The following NAALADL2 variants were observed in gnomAD, a reference collection of about 807,000 sequenced individuals.
NAALADL2 encodes the protein N-acetylated alpha-linked acidic dipeptidase like 2.
NAALADL2 carries 76 observed loss-of-function variants against 87.2 expected under a neutral mutation model. That is an observed-to-expected ratio of 0.87 (90% CI 0.72 to 1.05). The LOEUF is 1.05. Ranked by LOEUF, NAALADL2 falls within the 50% of genes least tolerant of loss-of-function variation. The pLI, the probability that NAALADL2 is intolerant of heterozygous loss-of-function variation, is 0.00. For synonymous variants in NAALADL2, 354 were observed against 331.0 expected, an observed-to-expected ratio of 1.07 and a Z score of -0.75; for missense variants, 1,089 against 945.8, an observed-to-expected ratio of 1.15 and a Z score of -1.99.
At chr3:175,802,163 A>G (rs1754244234) in intron 13 of NAALADL2, among the ~76,000 whole-genome samples, 1 of 152,058 alleles carries the variant, frequency 6.6e-6, no homozygotes, top group South Asian at 2.1e-4. Context: ...CTAAAGTGAT[A>G]AGAGCACTTT....
intron 2 of NAALADL2, among the ~76,000 whole-genome samples, chr3:174,702,002 G>A (rs1222699202): frequency 1.3e-5 from 2 of 152,134 alleles, no homozygotes; most frequent in Non-Finnish European, 2.9e-5. Flanking sequence ...CTGCCAAATT[G>A]TTTTCCAAGG....
intron 1 of NAALADL2, among the ~76,000 whole-genome samples, chr3:175,041,029 T>C (rs975297288): frequency 3.3e-5 from 5 of 152,140 alleles, no homozygotes; most frequent in African/African-American, 1.2e-4. Flanking sequence ...AGTTGCTTTT[T>C]ATTCGTGCCA....
intron 1 of NAALADL2, among the ~76,000 whole-genome samples, chr3:174,972,562 T>G (rs191236512): frequency 2.0e-5 from 3 of 152,324 alleles, no homozygotes; most frequent in East Asian, 1.9e-4. Flanking sequence ...CCTTATGATC[T>G]TATTTATCCT....
chr3:175,508,539 A>G (rs1730670370), intron 9 of NAALADL2, among the ~76,000 whole-genome samples: 3 of 152,138 alleles, frequency 2.0e-5, no homozygotes, highest in Admixed American at 2.0e-4. Flanking sequence ...TATCACCAAC[A>G]TTCTACCATT....
chr3:175,512,063 G>A lies in NAALADL2; in HGVS notation c.1653+40305G>A, dbSNP rs939549982. ...TAGAGACCAGCCTGAGCAACATAGTGTGACCCCCATCTCTATGAAAAAAAT... is the reference window on the plus strand; with the variant it reads ...TAGAGACCAGCCTGAGCAACATAGTATGACCCCCATCTCTATGAAAAAAAT... On this transcript the variant is annotated intron_variant, in intron 9 of 13. Transcript: ENST00000454872. Among the ~76,000 whole-genome samples the A allele has an allele frequency of 5.9e-5, 9 of 152,192 alleles. No individual in the cohort carries two copies. The East Asian group carries it at 1.7e-3, about 29-fold the overall frequency.
At chr3:174,524,231 T>C (rs960295751) in intron 1 of NAALADL2, among the ~76,000 whole-genome samples, 2 of 152,234 alleles carry the variant, frequency 1.3e-5, no homozygotes, top group African/African-American at 4.8e-5. Flanking sequence ...CATCCAGTAA[T>C]ACAATTCTTT....
chr3:175,256,277 C>A, intron 3 of NAALADL2, 134 bp from the exon 4 acceptor site: 1 of 730,400 alleles, frequency 1.4e-6, no homozygotes, highest in Non-Finnish European at 2.0e-6. Context: ...GTAATTGGGA[C>A]AGGGTAAGAG....
At chr3:175,521,464 T>C (rs565480858) in intron 9 of NAALADL2, among the ~76,000 whole-genome samples, 5 of 152,138 alleles carry the variant, frequency 3.3e-5, no homozygotes, top group Non-Finnish European at 5.9e-5. Flanking sequence ...TGGTTAAGTA[T>C]CTATAGAAGG....
At chr3:175,619,221 A>AAGAT (rs1272778153) in intron 10 of NAALADL2, among the ~76,000 whole-genome samples, 24 of 132,902 alleles carry the variant, frequency 1.8e-4, no homozygotes, top group African/African-American at 5.6e-4. Flanking sequence ...AAAAGAGAGA[A>AAGAT]AGAGAGAAAG....
At chr3:174,666,654 G>T (rs1725982912) in intron 2 of NAALADL2, among the ~76,000 whole-genome samples, 2 of 152,284 alleles carry the variant, frequency 1.3e-5, no homozygotes, top group Middle Eastern at 6.8e-3. Context: ...TCACTGCATA[G>T]CTACAGCCAT....
chr3:175,566,534 T>C (rs187221938), intron 9 of NAALADL2, among the ~76,000 whole-genome samples: 16 of 152,324 alleles, frequency 1.1e-4, no homozygotes, highest in African/African-American at 3.8e-4. Context: ...TATTTCATTA[T>C]ATGTGTGCAA....
At chr3:174,897,011 A>C (rs1731624154) in intron 1 of NAALADL2, among the ~76,000 whole-genome samples, 1 of 152,210 alleles carries the variant, frequency 6.6e-6, no homozygotes, top group African/African-American at 2.4e-5. Flanking sequence ...ATACAAAAAT[A>C]AAATTGAAGT....
intron 4 of NAALADL2, among the ~76,000 whole-genome samples, chr3:175,302,390 C>T (rs1024791854): frequency 6.6e-6 from 1 of 152,102 alleles, no homozygotes; most frequent in African/African-American, 2.4e-5. Context: ...CCAGTTGGGG[C>T]TTAAGGGATT....
At chr3:175,789,710 A>G (rs1276179312) in intron 13 of NAALADL2, among the ~76,000 whole-genome samples, 2 of 152,138 alleles carry the variant, frequency 1.3e-5, no homozygotes, top group African/African-American at 2.4e-5. Context: ...AACTGCATGC[A>G]TTATTTTCTG....
intron 11 of NAALADL2, among the ~76,000 whole-genome samples, chr3:175,677,478 G>T (rs938256422): frequency 1.1e-4 from 16 of 140,194 alleles, no homozygotes; most frequent in African/African-American, 3.1e-4. Context: ...AGTATAATGG[G>T]GTGTGTGTGT....
chr3:174,976,919 G>A (rs1446391646), intron 1 of NAALADL2, among the ~76,000 whole-genome samples: 1 of 152,178 alleles, frequency 6.6e-6, no homozygotes, highest in African/African-American at 2.4e-5. Flanking sequence ...GCTTCCGTAT[G>A]TTTGGAGATT....
chr3:174,943,708 C>T (rs1738963946), intron 1 of NAALADL2, among the ~76,000 whole-genome samples: 1 of 152,214 alleles, frequency 6.6e-6, no homozygotes, highest in Non-Finnish European at 1.5e-5. Flanking sequence ...TGGCCCCAGC[C>T]AGGGGTTCCC....
intron 4 of NAALADL2, among the ~76,000 whole-genome samples, chr3:175,317,777 C>T (rs1175019519): frequency 1.3e-5 from 2 of 152,102 alleles, no homozygotes; most frequent in Admixed American, 6.5e-5. Context: ...TTTTTGGGTA[C>T]ATTGGTAAAT....
chr3:175,637,675 G>A (rs1312350574), intron 11 of NAALADL2, among the ~76,000 whole-genome samples: 1 of 152,082 alleles, frequency 6.6e-6, no homozygotes, highest in African/African-American at 2.4e-5. Context: ...GAAGCCTGAG[G>A]CTCTCAACCA....
Sources: gnomAD v4.1 joint callset for allele counts (sites outside exome capture counted in the v4.1 genomes callset) on GRCh38, gnomAD v4.1.1 for gene constraint, MANE v1.5 for transcripts, NCBI Gene and HGNC (gene_info 2026-07-23, HGNC 2026-07-21) for gene names.